Variants in MARCHF11 observed in about 807,000 individuals in gnomAD.
The protein encoded by MARCHF11 is E3 ubiquitin-protein ligase MARCHF11.
MARCHF11 carries 29 observed loss-of-function variants against 37.3 expected under a neutral mutation model. The ratio of observed to expected loss-of-function variants is 0.78; its 90% CI spans 0.58 to 1.06. The LOEUF (loss-of-function observed/expected upper bound fraction) is 1.06, where lower values mean the gene tolerates loss of function less well. MARCHF11 is among the 50% of genes least tolerant of loss of function. MARCHF11 has a pLI of 0.00. For missense variants in MARCHF11, 482 were observed against 533.4 expected (o/e 0.90, Z 0.95); for synonymous variants, 233 against 228.0 (o/e 1.02, Z -0.20).
At chr5:16,103,597 T>C (rs1424911369) in intron 2 of MARCHF11, among the ~76,000 whole-genome samples, 2 of 152,206 alleles carry the variant, frequency 1.3e-5, no homozygotes, top group Non-Finnish European at 1.5e-5. Context: ...ATCCTGTCCA[T>C]GTTCTCTTTT....
chr5:16,147,398 A>C (rs1737817366), intron 2 of MARCHF11, among the ~76,000 whole-genome samples: 1 of 152,166 alleles, frequency 6.6e-6, no homozygotes, highest in African/African-American at 2.4e-5. Flanking sequence ...GCTGAAAAAA[A>C]CTGGGACACT....
At chr5:16,174,199 A>G (rs1344401498) in intron 2 of MARCHF11, among the ~76,000 whole-genome samples, 1 of 152,264 alleles carries the variant, frequency 6.6e-6, no homozygotes, top group Non-Finnish European at 1.5e-5. Flanking sequence ...ATTTTAGGTC[A>G]GATTCAAAAC....
chr5:16,119,342 ACAG>A (rs1737274565), intron 2 of MARCHF11, among the ~76,000 whole-genome samples: 1 of 151,918 alleles, frequency 6.6e-6, no homozygotes, highest in Admixed American at 6.6e-5. Context: ...AGCCTGGGCA[ACAG>A]AGTGAGACTC....
intron 2 of MARCHF11, among the ~76,000 whole-genome samples, chr5:16,153,585 T>G (rs2126599556): frequency 6.6e-6 from 1 of 152,120 alleles, no homozygotes; most frequent in South Asian, 2.1e-4. Context: ...AGCGCAGTAT[T>G]CTTTACATGG....
At chr5:16,077,717 T>C (rs1276046125) in intron 3 of MARCHF11, among the ~76,000 whole-genome samples, 1 of 152,212 alleles carries the variant, frequency 6.6e-6, no homozygotes, top group Non-Finnish European at 1.5e-5. Flanking sequence ...AATATTCTAT[T>C]CTATGTCCTA....
chr5:16,090,091 T>C (rs1736767310), intron 3 of MARCHF11, among the ~76,000 whole-genome samples: 1 of 152,120 alleles, frequency 6.6e-6, no homozygotes, highest in Non-Finnish European at 1.5e-5. Context: ...GCCTGTGCAT[T>C]TCTGCCACAT....
chr5:16,099,070 G>C lies in MARCHF11; in HGVS notation c.694-7989C>G, dbSNP rs189297863. Among the ~76,000 whole-genome samples, 395 of 152,008 alleles carry C rather than the reference G, an allele frequency of 2.6e-3. 2 individuals carry two copies. Among genetic ancestry groups the C allele is most frequent in the Non-Finnish European group, 4.5e-3 (308 of 67,960 alleles). On this transcript the variant is annotated intron_variant, in intron 2 of 3. Transcript: ENST00000332432. Reference sequence around the variant, plus strand: ...CACTCACTTTTTAAGCTTAATAAAAGCCATTTTCTTTGTAAAAAGAGGAAA... The same window carrying C: ...CACTCACTTTTTAAGCTTAATAAAACCCATTTTCTTTGTAAAAAGAGGAAA...
chr5:16,169,229 T>C (rs1738218260), intron 2 of MARCHF11, among the ~76,000 whole-genome samples: 1 of 150,956 alleles, frequency 6.6e-6, no homozygotes, highest in Admixed American at 6.6e-5. Context: ...GCCAGGAGGG[T>C]TCCTGGAATA....
intron 2 of MARCHF11, among the ~76,000 whole-genome samples, chr5:16,137,417 T>C (rs1328225976): frequency 6.6e-6 from 1 of 151,472 alleles, no homozygotes. Flanking sequence ...TGCTGTGCCT[T>C]CTGCCAATGA....
At chr5:16,139,745 TA>T (rs1257396636) in intron 2 of MARCHF11, among the ~76,000 whole-genome samples, 1 of 152,048 alleles carries the variant, frequency 6.6e-6, no homozygotes, top group Non-Finnish European at 1.5e-5. Context: ...TACAAAAGTA[TA>T]AAAAATATAG....
rs531444441 is a variant in MARCHF11, at chr5:16,139,919, A to G, written c.693+37807T>C. On this transcript the variant is annotated intron_variant, in intron 2 of 3. Coordinates refer to ENST00000332432, the MANE Select transcript of MARCHF11 (RefSeq NM_001102562.3). ...TTTTTATGGGATGTTTTCACTATCAATAGAAAAACAAAGCCTCAATAAATT... is the reference window on the plus strand; with the variant it reads ...TTTTTATGGGATGTTTTCACTATCAGTAGAAAAACAAAGCCTCAATAAATT... Among the ~76,000 whole-genome samples the G allele has an allele frequency of 5.9e-5, 9 of 152,308 alleles. No homozygotes were observed. In the East Asian group the frequency reaches 1.5e-3, roughly 26 times the overall value.
chr5:16,086,954 A>G (rs1265702915), intron 3 of MARCHF11, among the ~76,000 whole-genome samples: 4 of 152,200 alleles, frequency 2.6e-5, no homozygotes, highest in Admixed American at 6.5e-5. Context: ...GAGTTTGCTC[A>G]TCTTCCTTTG....
At chr5:16,134,163 A>C (rs1379299804) in intron 2 of MARCHF11, among the ~76,000 whole-genome samples, 2 of 152,212 alleles carry the variant, frequency 1.3e-5, no homozygotes, top group Non-Finnish European at 2.9e-5. Flanking sequence ...GCAGTCACTC[A>C]TAATACTGGT....
rs187729685 is a variant in MARCHF11, at chr5:16,156,109, C to T, written c.693+21617G>A. On this transcript the variant is annotated intron_variant, in intron 2 of 3. Transcript: ENST00000332432. ...TTTTAATCCATGAATATCTATAAGT[C>T]TGTAAAGAAATAAATTCTTTGTACT... Among the ~76,000 whole-genome samples the T allele has an allele frequency of 2.4e-3, 363 of 152,034 alleles. 3 individuals carry two copies. Among genetic ancestry groups the T allele is most frequent in the Non-Finnish European group, 4.2e-3 (286 of 67,898 alleles).
At position 16,092,941 on chromosome 5, in the gene MARCHF11, G is replaced by A. The variant is rs1736809893; in HGVS notation, c.694-1860C>T. On this transcript the variant is annotated intron_variant, in intron 2 of 3. Transcript: ENST00000332432. ...TGGTGTCACCAAACAGATATGAAGTGTCAGTATCTCTTGCTCTTGTTCAGT... is the reference window on the plus strand; with the variant it reads ...TGGTGTCACCAAACAGATATGAAGTATCAGTATCTCTTGCTCTTGTTCAGT... Among the ~76,000 whole-genome samples the A allele has an allele frequency of 2.0e-5, 3 of 152,160 alleles. 1 individual carries two copies. The South Asian group carries it at 6.2e-4, about 31-fold the overall frequency.
intron 2 of MARCHF11, among the ~76,000 whole-genome samples, chr5:16,117,352 A>C (rs1316294507): frequency 6.6e-6 from 1 of 152,240 alleles, no homozygotes; most frequent in Non-Finnish European, 1.5e-5. Context: ...GCATGTTTTC[A>C]CTAACCTTTT....
chr5:16,072,313 G>T (rs1377302521), intron 3 of MARCHF11, among the ~76,000 whole-genome samples: 1 of 152,014 alleles, frequency 6.6e-6, no homozygotes, highest in East Asian at 1.9e-4. Context: ...AATAAAAGAG[G>T]TTACTATGGA....
At chr5:16,074,667 C>T (rs11954216) in intron 3 of MARCHF11, among the ~76,000 whole-genome samples, 7,484 of 152,152 alleles carry the variant, frequency 0.049, 557 homozygotes, top group African/African-American at 0.17. Flanking sequence ...ATCATTACCA[C>T]TGATAAAATA....
chr5:16,078,397 AT>A (rs1226644040), intron 3 of MARCHF11, among the ~76,000 whole-genome samples: 41 of 152,114 alleles, frequency 2.7e-4, no homozygotes, highest in Non-Finnish European at 7.4e-5. Context: ...CTGGAGATGC[AT>A]TTTTAAAAAC....
Sources: gnomAD v4.1 joint callset for allele counts (sites outside exome capture counted in the v4.1 genomes callset) on GRCh38, gnomAD v4.1.1 for gene constraint, MANE v1.5 for transcripts, NCBI Gene and HGNC (gene_info 2026-07-23, HGNC 2026-07-21) for gene names.